Variants in ARHGEF38 observed in about 807,000 individuals in gnomAD.
ARHGEF38 encodes the protein Rho guanine nucleotide exchange factor 38.
ARHGEF38 carries 79 observed loss-of-function variants against 79.9 expected under a neutral mutation model. That is an observed-to-expected ratio of 0.99 (90% CI 0.82 to 1.19). The LOEUF (loss-of-function observed/expected upper bound fraction) is 1.19, where lower values mean the gene tolerates loss of function less well. Ranked by LOEUF, ARHGEF38 falls within the 50% of genes most tolerant of loss-of-function variation. ARHGEF38 has a pLI of 0.00. For missense variants in ARHGEF38, 962 were observed against 907.2 expected (o/e 1.06, Z -0.78); for synonymous variants, 366 against 328.3 (o/e 1.11, Z -1.24).
chr4:105,619,992 G>A (rs1728674388), intron 3 of ARHGEF38, among the ~76,000 whole-genome samples: 1 of 152,148 alleles, frequency 6.6e-6, no homozygotes, highest in South Asian at 2.1e-4. Context: ...GAATTTTCCT[G>A]ATACCTAGAT....
intron 1 of ARHGEF38, among the ~76,000 whole-genome samples, chr4:105,566,856 C>T (rs1242073846): frequency 3.3e-5 from 5 of 151,688 alleles, no homozygotes; most frequent in Non-Finnish European, 7.4e-5. Flanking sequence ...CAGGTTCAAG[C>T]GATTCTCCTG....
chr4:105,590,767 TAATA>T (rs1727298090), intron 2 of ARHGEF38, among the ~76,000 whole-genome samples: 1 of 152,178 alleles, frequency 6.6e-6, no homozygotes, highest in Non-Finnish European at 1.5e-5. Context: ...TCATTCCTAT[TAATA>T]ATGATTCAGA....
intron 1 of ARHGEF38, among the ~76,000 whole-genome samples, chr4:105,573,343 A>T (rs1421782391): frequency 6.6e-6 from 1 of 152,062 alleles, no homozygotes. Flanking sequence ...TTTTTGCCCT[A>T]TGTTTTCCTT....
intron 1 of ARHGEF38, among the ~76,000 whole-genome samples, chr4:105,554,190 T>C (rs903433413): frequency 4.6e-5 from 7 of 152,168 alleles, no homozygotes; most frequent in African/African-American, 1.7e-4. Flanking sequence ...TTGGAAAGAA[T>C]GGATGTCTTA....
intron 1 of ARHGEF38, among the ~76,000 whole-genome samples, chr4:105,580,952 G>T (rs1284705211): frequency 6.6e-6 from 1 of 152,102 alleles, no homozygotes; most frequent in Admixed American, 6.6e-5. Context: ...TGGGATTACA[G>T]GCATGAGCCA....
At chr4:105,628,535 A>G (rs1729045812) in intron 3 of ARHGEF38, among the ~76,000 whole-genome samples, 1 of 152,182 alleles carries the variant, frequency 6.6e-6, no homozygotes, top group African/African-American at 2.4e-5. Context: ...GTGTTGAAGA[A>G]CAAATCCATA....
At chr4:105,636,745 A>G (rs1009997403) in intron 5 of ARHGEF38, among the ~76,000 whole-genome samples, 2 of 152,110 alleles carry the variant, frequency 1.3e-5, no homozygotes, top group Non-Finnish European at 2.9e-5. Flanking sequence ...TATGAAACAT[A>G]TTAGTCTTTA....
chr4:105,666,578 T>G (rs1730758039), intron 11 of ARHGEF38, among the ~76,000 whole-genome samples: 1 of 152,280 alleles, frequency 6.6e-6, no homozygotes, highest in Middle Eastern at 3.4e-3. Context: ...TAGGAGGCAC[T>G]CAATAAATAT....
chr4:105,673,672 G>A (rs1206629447), intron 13 of ARHGEF38, among the ~76,000 whole-genome samples: 16 of 152,176 alleles, frequency 1.1e-4, no homozygotes, highest in Admixed American at 9.2e-4. Flanking sequence ...AGGTAGGTAG[G>A]TAGAAAACAA....
rs767549444 is a variant in ARHGEF38, at chr4:105,630,933, G to A, written c.544G>A (p.Asp182Asn). The change falls in exon 4 of 14, where the codon GAT becomes AAT. Residue 182 changes from aspartate (D) to asparagine (N), a missense_variant. Asp to Asn is a conservative substitution (Grantham distance 23, BLOSUM62 1). Coordinates refer to ENST00000420470, the MANE Select transcript of ARHGEF38 (RefSeq NM_001242729.2). The stretch of plus-strand genomic sequence containing the variant: ...CTTGCAGATTAAAGGGCCACTGGAA[G>A]ATATTTATAAAATCTACTGCTATCA... ...VFLQIKGPLE[D>N]IYKIYCYHHD... 3 of 1,611,934 alleles carry A rather than the reference G, an allele frequency of 1.9e-6. No homozygotes were observed.
chr4:105,589,541 C>G (rs1727224032), intron 2 of ARHGEF38, 106 bp downstream of exon 2: 1 of 980,312 alleles, frequency 1.0e-6, no homozygotes, highest in Non-Finnish European at 1.5e-6. Flanking sequence ...ATGTGCCTTT[C>G]TCCCCAAAAC....
At chr4:105,570,873 A>G (rs1306965198) in intron 1 of ARHGEF38, among the ~76,000 whole-genome samples, 3 of 151,998 alleles carry the variant, frequency 2.0e-5, no homozygotes, top group Non-Finnish European at 4.4e-5. Flanking sequence ...ACATGATACA[A>G]CACAGATGAA....
intron 3 of ARHGEF38, among the ~76,000 whole-genome samples, chr4:105,629,840 T>C (rs1192866032): frequency 4.6e-5 from 7 of 152,192 alleles, no homozygotes; most frequent in African/African-American, 1.7e-4. Context: ...GAAGATACAG[T>C]CATAACCTTT....
intron 2 of ARHGEF38, among the ~76,000 whole-genome samples, chr4:105,589,685 T>A (rs1408470698): frequency 6.6e-6 from 1 of 151,956 alleles, no homozygotes; most frequent in Admixed American, 6.6e-5. Flanking sequence ...AATTAAGATA[T>A]GTTATATGGT....
At chr4:105,647,187 C>T (rs973565435) in intron 6 of ARHGEF38, among the ~76,000 whole-genome samples, 1 of 152,056 alleles carries the variant, frequency 6.6e-6, no homozygotes. Flanking sequence ...TAAAATTCTT[C>T]CCTTCCCACC....
At chr4:105,566,455 A>G (rs557642903) in intron 1 of ARHGEF38, among the ~76,000 whole-genome samples, 1 of 152,230 alleles carries the variant, frequency 6.6e-6, no homozygotes, top group South Asian at 2.1e-4. Context: ...AGGTGCATAT[A>G]TTTATGGGTT....
At chr4:105,665,589 C>T (rs1277406159) in intron 10 of ARHGEF38, among the ~76,000 whole-genome samples, 4 of 152,072 alleles carry the variant, frequency 2.6e-5, no homozygotes, top group African/African-American at 7.2e-5. Context: ...GCATGTACTA[C>T]CATGCCTGGC....
At chr4:105,618,763 A>G (rs1288306560) in intron 3 of ARHGEF38, among the ~76,000 whole-genome samples, 2 of 152,216 alleles carry the variant, frequency 1.3e-5, no homozygotes, top group Non-Finnish European at 2.9e-5. Context: ...CATAGTCTCA[A>G]AACTTTCTCC....
intron 3 of ARHGEF38, among the ~76,000 whole-genome samples, chr4:105,619,158 C>T (rs928126796): frequency 2.0e-5 from 3 of 151,990 alleles, no homozygotes; most frequent in Non-Finnish European, 4.4e-5. Flanking sequence ...GTTGGAGTCT[C>T]ATTTTAATAT....
Sources: gnomAD v4.1 joint callset for allele counts (sites outside exome capture counted in the v4.1 genomes callset) on GRCh38, gnomAD v4.1.1 for gene constraint, MANE v1.5 for transcripts, NCBI Gene and HGNC (gene_info 2026-07-23, HGNC 2026-07-21) for gene names.